SLC7A14: variants seen among roughly 807,000 people sequenced by gnomAD.
SLC7A14 encodes the protein gamma-aminobutyric acid transporter SLC7A14.
SLC7A14 carries 37 observed loss-of-function variants against 60.2 expected under a neutral mutation model. The ratio of observed to expected loss-of-function variants is 0.61; its 90% CI spans 0.47 to 0.81. SLC7A14 has a LOEUF of 0.81. SLC7A14 is among the 30% of genes least tolerant of loss of function. The pLI is 0.00. For missense variants in SLC7A14, 886 were observed against 982.7 expected (o/e 0.90, Z 1.32); for synonymous variants, 399 against 395.8 (o/e 1.01, Z -0.10).
In SLC7A14 at chr3:170,483,314, C is replaced by A; in HGVS notation, c.1115G>T (p.Arg372Met). ...YAMAGDGLLFRFLAHVSSYTE... is the reference protein window; with the variant it reads ...YAMAGDGLLFMFLAHVSSYTE... ...AAATTTCATGGAGCATAGCCCTTAC[C>A]TGAAAAGGAGCCCGTCACCAGCCAT... Residue 372 changes from arginine to methionine, a missense_variant and splice_region_variant, in exon 6 of 8, where the codon AGG becomes ATG. By Grantham distance (91) the Arg-to-Met change is moderately conservative. Coordinates refer to ENST00000231706, the MANE Select transcript of SLC7A14 (RefSeq NM_020949.3). 3.1e-6 allele frequency: 5 copies of A among 1,614,052 alleles called. No individual in the cohort carries two copies. The highest frequency in any genetic ancestry group is 4.2e-6 in the Non-Finnish European group (5 of 1,179,954).
At chr3:170,547,290 A>G (rs920264975) in intron 1 of SLC7A14, among the ~76,000 whole-genome samples, 1 of 152,226 alleles carries the variant, frequency 6.6e-6, no homozygotes, top group Non-Finnish European at 1.5e-5. Flanking sequence ...AACAAAAAAT[A>G]TATACCAATT....
At chr3:170,508,548 G>A (rs1263858651) in intron 2 of SLC7A14, among the ~76,000 whole-genome samples, 1 of 152,218 alleles carries the variant, frequency 6.6e-6, no homozygotes, top group African/African-American at 2.4e-5. Context: ...TTCTTCCCAA[G>A]TGCCAACTAT....
chr3:170,492,059 C>T (rs1446617768), intron 4 of SLC7A14, among the ~76,000 whole-genome samples: 2 of 152,166 alleles, frequency 1.3e-5, no homozygotes, highest in Non-Finnish European at 2.9e-5. Flanking sequence ...AATACAAAGA[C>T]CCATGAAATG....
intron 1 of SLC7A14, among the ~76,000 whole-genome samples, chr3:170,541,349 G>A (rs551663940): frequency 2.8e-4 from 42 of 152,316 alleles, no homozygotes; most frequent in Non-Finnish European, 3.8e-4. Flanking sequence ...TGTAATCCCA[G>A]CACTTTGGGA....
intron 2 of SLC7A14, among the ~76,000 whole-genome samples, chr3:170,525,634 C>T (rs1372390072): frequency 6.6e-6 from 1 of 151,996 alleles, no homozygotes; most frequent in Non-Finnish European, 1.5e-5. Context: ...CTGTATCCTT[C>T]CACTGTCCCT....
At chr3:170,510,862 A>G (rs1712958755) in intron 2 of SLC7A14, among the ~76,000 whole-genome samples, 1 of 152,232 alleles carries the variant, frequency 6.6e-6, no homozygotes, top group South Asian at 2.1e-4. Flanking sequence ...GTGAAGGCGC[A>G]TGTTTTCTTG....
chr3:170,557,976 A>C (rs2108308536), intron 1 of SLC7A14, among the ~76,000 whole-genome samples: 1 of 152,310 alleles, frequency 6.6e-6, no homozygotes, highest in East Asian at 1.9e-4. Flanking sequence ...TGATTATCAA[A>C]GGGGAAATTG....
intron 4 of SLC7A14, among the ~76,000 whole-genome samples, chr3:170,487,965 C>A (rs1292196255): frequency 6.6e-6 from 1 of 152,146 alleles, no homozygotes; most frequent in Non-Finnish European, 1.5e-5. Context: ...TGAAATATCA[C>A]TTATGCTTAT....
chr3:170,580,930 T>C (rs541808281), intron 1 of SLC7A14, among the ~76,000 whole-genome samples: 1 of 152,198 alleles, frequency 6.6e-6, no homozygotes, highest in Non-Finnish European at 1.5e-5. Flanking sequence ...TGAGCCACTA[T>C]AGAAGGTATG....
chr3:170,579,256 C>G (rs1715175996), intron 1 of SLC7A14, among the ~76,000 whole-genome samples: 1 of 152,166 alleles, frequency 6.6e-6, no homozygotes, highest in Admixed American at 6.5e-5. Context: ...CAATTTCTCT[C>G]TAAAGTGAGA....
intron 1 of SLC7A14, among the ~76,000 whole-genome samples, chr3:170,580,522 C>G (rs1715206647): frequency 6.6e-6 from 1 of 152,170 alleles, no homozygotes; most frequent in Non-Finnish European, 1.5e-5. Flanking sequence ...CTTATTTTTC[C>G]TTCAGTAATA....
chr3:170,574,919 C>T (rs978975430), intron 1 of SLC7A14, among the ~76,000 whole-genome samples: 1 of 152,184 alleles, frequency 6.6e-6, no homozygotes, highest in Non-Finnish European at 1.5e-5. Context: ...CTCTCTGGGT[C>T]TCAGTTTCTA....
At chr3:170,558,936 T>G (rs1303579928) in intron 1 of SLC7A14, among the ~76,000 whole-genome samples, 1 of 152,196 alleles carries the variant, frequency 6.6e-6, no homozygotes, top group Non-Finnish European at 1.5e-5. Context: ...TTTCCTTGTG[T>G]GTGGGCCTGT....
intron 1 of SLC7A14, among the ~76,000 whole-genome samples, chr3:170,528,806 C>T (rs754018621): frequency 6.6e-6 from 1 of 152,122 alleles, no homozygotes; most frequent in Non-Finnish European, 1.5e-5. Context: ...TAAAGATTTT[C>T]GTATTGGCAA....
At chr3:170,486,667 T>C (rs557789098) in intron 4 of SLC7A14, among the ~76,000 whole-genome samples, 2 of 151,322 alleles carry the variant, frequency 1.3e-5, no homozygotes, top group Admixed American at 6.6e-5. Context: ...AGGTCAGGAG[T>C]TTGAGAACAG....
intron 1 of SLC7A14, among the ~76,000 whole-genome samples, chr3:170,527,801 T>C (rs1240967948): frequency 1.3e-5 from 2 of 152,206 alleles, no homozygotes; most frequent in African/African-American, 2.4e-5. Context: ...TGCTTGACTT[T>C]CCTGTAGATA....
intron 2 of SLC7A14, among the ~76,000 whole-genome samples, chr3:170,508,232 A>ACCAGAAAACCAACCC (rs1712846840): frequency 6.6e-6 from 1 of 152,200 alleles, no homozygotes; most frequent in Non-Finnish European, 1.5e-5. Context: ...AAAACCAACC[A>ACCAGAAAACCAACCC]ACCAGAAAGA....
rs555024146 is a variant in SLC7A14, at chr3:170,572,194, T to C, written c.-153+13717A>G. On this transcript the variant is annotated intron_variant, in intron 1 of 7. Transcript: ENST00000231706. ...AGATAGACCTGCAAAGTCATTCTTA[T>C]TATCCATGCACTTGTATAAGATCCA... 2.6e-5 allele frequency among the ~76,000 whole-genome samples: 4 copies of C among 152,340 alleles called. No individual in the cohort carries two copies. In the East Asian group the frequency reaches 7.7e-4, roughly 29 times the overall value.
chr3:170,562,337 T>C lies in SLC7A14; in HGVS notation c.-153+23574A>G, dbSNP rs187289118. Among the ~76,000 whole-genome samples, 347 of 152,352 alleles carry C rather than the reference T, an allele frequency of 2.3e-3. 1 individual carries two copies. The highest frequency in any genetic ancestry group is 7.9e-3 in the African/African-American group (330 of 41,576). ...TAAAGAAGAATGAATTCATGGCATT[T>C]GCAGCAACCTGGATGGGATTGGAGA... On this transcript the variant is annotated intron_variant, in intron 1 of 7. Transcript: ENST00000231706.
Sources: allele counts gnomAD v4.1 joint callset (sites outside exome capture counted in the v4.1 genomes callset), GRCh38; gene constraint gnomAD v4.1.1; transcripts MANE v1.5; gene names NCBI Gene and HGNC (gene_info 2026-07-23, HGNC 2026-07-21).